NFE2L1: variants seen among roughly 807,000 people sequenced by gnomAD.
NFE2L1 encodes NFE2 like bZIP transcription factor 1.
NFE2L1 carries 18 observed loss-of-function variants against 61.6 expected under a neutral mutation model. The ratio of observed to expected loss-of-function variants is 0.29; its 90% CI spans 0.20 to 0.43. NFE2L1 has a LOEUF of 0.43. Among genes scored for constraint, NFE2L1 ranks in the 20% least tolerant of loss-of-function variants. NFE2L1 has a pLI of 1.00. For synonymous variants in NFE2L1, 419 were observed against 402.7 expected (o/e 1.04, Z -0.48); for missense variants, 827 against 973.5 (o/e 0.85, Z 2.00).
intron 2 of NFE2L1, chr17:48,054,755 C>A: frequency 7.7e-7 from 1 of 1,297,862 alleles, no homozygotes; most frequent in Non-Finnish European, 9.8e-7. Context: ...TCACTGCAGC[C>A]TCTGCGGTGA....
In NFE2L1 at chr17:48,051,490, C is replaced by A; in HGVS notation, c.372C>A (p.Leu124=). Residue 124 remains leucine (L), a synonymous_variant, in exon 2 of 6, where the codon CTC becomes CTA. Transcript: ENST00000362042. ...SGSQPNSGLA[L]ESSSGLQDVT... is the part of the protein sequence containing the mutation. The stretch of plus-strand genomic sequence containing the variant: ...GTCAGCCCAACTCAGGCCTCGCCCT[C>A]GAGAGTTCCAGTGGCCTCCAAGATG... The A allele has an allele frequency of 1.2e-6, 2 of 1,614,092 alleles. No individual in the cohort carries two copies. The highest frequency in any genetic ancestry group is 1.7e-6 in the Non-Finnish European group (2 of 1,180,042).
Position 48,051,235 on chromosome 17 carries a change from C to T in NFE2L1, c.117C>T (p.Leu39=), listed in dbSNP as rs141933946. ...ACCTGACCTCACAGCTTCCCCCACTCCGGGAGATCATCCTGGGGCCCAGTT... is the reference window on the plus strand; with the variant it reads ...ACCTGACCTCACAGCTTCCCCCACTTCGGGAGATCATCCTGGGGCCCAGTT... ...DTYLTSQLPP[L]REIILGPSSA... is the part of the protein sequence containing the mutation. The change falls in exon 2 of 6, where the codon CTC becomes CTT. Residue 39 remains leucine, a synonymous_variant. Coordinates refer to ENST00000362042, the MANE Select transcript of NFE2L1 (RefSeq NM_003204.3). 7.0e-4 allele frequency: 1,126 copies of T among 1,614,198 alleles called. 5 individuals carry two copies. In the African/African-American group the frequency reaches 0.014, roughly 20 times the overall value.
chr17:48,054,991 G>GGCTGCCCTGGGGCTCATC, intron 2 of NFE2L1: 1 of 1,500,476 alleles, frequency 6.7e-7, no homozygotes, highest in East Asian at 2.7e-5. Flanking sequence ...TCCCGGCACC[G>GGCTGCCCTGGGGCTCATC]GCTGCCCTGG....
At chr17:48,054,574 C>T (rs2037341316) in intron 2 of NFE2L1, 1 of 1,202,246 alleles carries the variant, frequency 8.3e-7, no homozygotes, top group East Asian at 3.3e-5. Context: ...GATTGGCTCT[C>T]TGCAGCCTCA....
In NFE2L1 at chr17:48,055,159, A is replaced by G. The variant is rs1348214976; in HGVS notation, c.511-1227A>G. 3.7e-6 allele frequency: 5 copies of G among 1,355,808 alleles called. No homozygotes were observed. The African/African-American group carries it at 7.6e-5, about 21-fold the overall frequency. The allele number at this position is 1,355,808 out of a possible 1,614,324, so 84.0% of individuals were successfully genotyped here. On this transcript the variant is annotated intron_variant, in intron 2 of 5. Coordinates refer to ENST00000362042, the MANE Select transcript of NFE2L1 (RefSeq NM_003204.3). The stretch of plus-strand genomic sequence containing the variant: ...CCAGGGCTTCTGTTCAGGTTGGTGT[A>G]TGTGGGGAGACTAAAGTAGTACGTC...
At chr17:48,054,477 A>C in intron 2 of NFE2L1, 20 of 536,372 alleles carry the variant, frequency 3.7e-5, no homozygotes, top group South Asian at 9.4e-5. Flanking sequence ...GACTTGGGGG[A>C]GGAGATTGGC....
In NFE2L1 at chr17:48,058,638, G is replaced by A. The variant is rs1459652040; in HGVS notation, c.1316G>A (p.Gly439Glu). 2 of 1,614,040 alleles carry A rather than the reference G, an allele frequency of 1.2e-6. No individual in the cohort carries two copies. The highest frequency in any genetic ancestry group is 1.7e-5 in the Admixed American group (1 of 59,990). Reference protein sequence around the residue: ...TAGPELPDPLGGLLDEAMLDE... With the variant: ...TAGPELPDPLEGLLDEAMLDE... The stretch of plus-strand genomic sequence containing the variant: ...GGCCCAGAGCTGCCTGACCCTTTGG[G>A]GGGTCTGTTAGATGAAGCTATGTTG... Residue 439 changes from glycine (G) to glutamate (E), a missense_variant, in exon 6 of 6, where the codon GGG becomes GAG. Gly to Glu is a moderately conservative substitution (Grantham distance 98). Coordinates refer to ENST00000362042, the MANE Select transcript of NFE2L1 (RefSeq NM_003204.3).
At chr17:48,048,854 G>A (rs1262856832) in intron 1 of NFE2L1, 1 of 152,734 alleles carries the variant, frequency 6.5e-6, no homozygotes, top group Non-Finnish European at 1.5e-5. Context: ...CTTGGTCTCA[G>A]CCGGACTCGG....
chr17:48,059,481 A>T lies in NFE2L1; in HGVS notation c.2159A>T (p.Glu720Val). 1.2e-6 allele frequency: 2 copies of T among 1,613,994 alleles called. No homozygotes were observed. The highest frequency in any genetic ancestry group is 8.5e-7 in the Non-Finnish European group (1 of 1,179,956). The change falls in exon 6 of 6, where the codon GAG (glutamate) becomes GTG (valine). Residue 720 changes from glutamate to valine, a missense_variant. This residue lies in a region of NFE2L1 where 86 missense variants were observed against 97.3 expected (regional missense o/e 0.88). Coordinates refer to ENST00000362042, the MANE Select transcript of NFE2L1 (RefSeq NM_003204.3). The surrounding 1 kb of genome is among the most constrained non-coding windows in gnomAD (Gnocchi z 6.1). ...CAGAAGGTCCAGAGCCTGTACCAGG[A>T]GGTGTTTGGGCGGCTGCGAGATGAG... ...MKQKVQSLYQ[E>V]VFGRLRDENG...
At position 48,061,362 on chromosome 17, in the gene NFE2L1, A is replaced by G. The variant is rs924293400; in HGVS notation, c.*1721A>G. The G allele has an allele frequency of 1.3e-5, 2 of 152,192 alleles. No individual in the cohort carries two copies. The highest frequency in any genetic ancestry group is 6.5e-5 in the Admixed American group (1 of 15,286). 9.4% of individuals were successfully genotyped at this position (152,192 alleles called of 1,614,324 possible). On this transcript the variant is annotated 3_prime_UTR_variant, in exon 6 of 6. Coordinates refer to ENST00000362042, the MANE Select transcript of NFE2L1 (RefSeq NM_003204.3). ...AAGGTGTGAACCTGGGAGTGCTTTT[A>G]TAAATTATTTTCCTTGTAGATTTTA...
chr17:48,051,915 G>A (rs1001011589), intron 2 of NFE2L1, among the ~76,000 whole-genome samples: 6 of 152,108 alleles, frequency 3.9e-5, no homozygotes, highest in African/African-American at 1.4e-4. Context: ...CGTGACTGCT[G>A]GAGGCCTGGG....
intron 1 of NFE2L1, chr17:48,049,130 AG>A (rs138881721): frequency 0.084 from 12,766 of 152,228 alleles, 699 homozygotes; most frequent in East Asian, 0.19. Flanking sequence ...TGAAGTTGGT[AG>A]ATGGGTCACA....
rs199805675 is a variant in NFE2L1 at position 48,059,607 on chromosome 17, G to A, written c.2285G>A (p.Arg762Gln). The A allele has an allele frequency of 5.8e-5, 91 of 1,576,836 alleles. No homozygotes were observed. Among genetic ancestry groups the A allele is most frequent in the Admixed American group, 4.0e-4 (22 of 54,992 alleles). Residue 762 changes from arginine to glutamine, a missense_variant, in exon 6 of 6, where the codon CGG becomes CAG. Coordinates refer to ENST00000362042, the MANE Select transcript of NFE2L1 (RefSeq NM_003204.3). The surrounding 1 kb of genome is among the most constrained non-coding windows in gnomAD (Gnocchi z 6.1). ...ACGATGGCCGACCAGCAGGCCCGGC[G>A]GCAGGAGAGGAAGCCAAAGGACCGG... ...PRTMADQQAR[R>Q]QERKPKDRRK
intron 5 of NFE2L1, 38 bp from the exon 6 acceptor site, chr17:48,058,251 GGAGTCA>G (rs2037451386): frequency 6.6e-7 from 1 of 1,521,754 alleles, no homozygotes; most frequent in East Asian, 2.3e-5. Context: ...CCCAGGGGAG[GGAGTCA>G]GTTCCTAGTG....
chr17:48,058,344 C>G lies in NFE2L1; in HGVS notation c.1022C>G (p.Pro341Arg), dbSNP rs2037455346. The G allele has an allele frequency of 1.2e-6, 2 of 1,613,266 alleles. No individual in the cohort carries two copies. The highest frequency in any genetic ancestry group is 1.7e-6 in the Non-Finnish European group (2 of 1,179,516). ...AGTGAAATCCTGTACAGTGCCCCTCCTGGAGACCCACTGAGCACCAACTAC... is the reference window on the plus strand; with the variant it reads ...AGTGAAATCCTGTACAGTGCCCCTCGTGGAGACCCACTGAGCACCAACTAC... The part of the protein sequence containing the change: ...SASEILYSAP[P>R]GDPLSTNYSL... The change falls in exon 6 of 6, where the codon CCT (proline) becomes CGT (arginine). Residue 341 changes from proline to arginine, a missense_variant. Coordinates refer to ENST00000362042, the MANE Select transcript of NFE2L1 (RefSeq NM_003204.3).
chr17:48,054,737 G>A, intron 2 of NFE2L1: 1 of 1,291,542 alleles, frequency 7.7e-7, no homozygotes, highest in Non-Finnish European at 9.8e-7. Context: ...TGGGGTGGGA[G>A]TCCCATCTCA....
In NFE2L1 at chr17:48,059,063, C is replaced by A. The variant is rs771372721; in HGVS notation, c.1741C>A (p.Pro581Thr). ...VGHNHTYNMA[P>T]SALDSADLPP... ...CCACAACCACACATACAACATGGCA[C>A]CCAGTGCCCTGGACTCAGCCGACCT... Residue 581 changes from proline to threonine, a missense_variant, in exon 6 of 6, where the codon CCC (proline) becomes ACC (threonine). Transcript: ENST00000362042. This position sits in a 1 kb window ranked among gnomAD's most constrained non-coding sequence, Gnocchi z 6.1. The A allele has an allele frequency of 1.2e-6, 2 of 1,614,118 alleles. No homozygotes were observed. The highest frequency in any genetic ancestry group is 1.7e-6 in the Non-Finnish European group (2 of 1,180,040).
At chr17:48,055,200 T>C in intron 2 of NFE2L1, 1 of 1,291,434 alleles carries the variant, frequency 7.7e-7, no homozygotes, top group East Asian at 3.1e-5. Context: ...GGTCTTAGGG[T>C]CAGGGGGGGT....
Position 48,056,379 on chromosome 17 carries a change from C to T in NFE2L1, c.511-7C>T. 6.2e-7 allele frequency: 1 copy of T among 1,614,118 alleles called. No homozygotes were observed. Among genetic ancestry groups the T allele is most frequent in the Non-Finnish European group, 8.5e-7 (1 of 1,179,998 alleles). On this transcript the variant is annotated splice_polypyrimidine_tract_variant and splice_region_variant and intron_variant, in intron 2 of 5. Transcript: ENST00000362042. ...TTAGAGCTAAAGTCATGTGATCTGT[C>T]TTTCAGGACATAGATCTGATTGACA...
Sources: allele counts gnomAD v4.1 joint callset (sites outside exome capture counted in the v4.1 genomes callset), GRCh38; gene constraint gnomAD v4.1.1; regional missense constraint gnomAD v4.1.1; non-coding constraint Gnocchi (gnomAD v3.1); transcripts MANE v1.5; gene names NCBI Gene and HGNC (gene_info 2026-07-23, HGNC 2026-07-21).